Variants in CBLN2 observed in about 807,000 individuals in gnomAD.
The protein encoded by CBLN2 is cerebellin-2.
In CBLN2, 7 loss-of-function variants were observed where a neutral mutation model predicts 15.0. That is an observed-to-expected ratio of 0.47 (90% CI 0.27 to 0.88). The LOEUF is 0.88. CBLN2 is among the 40% of genes least tolerant of loss of function. The pLI, the probability that CBLN2 is intolerant of heterozygous loss-of-function variation, is 0.14. For synonymous variants in CBLN2, 149 were observed against 135.2 expected (o/e 1.10, Z -0.71); for missense variants, 242 against 304.5 (o/e 0.79, Z 1.53).
At chr18:72,583,677 C>T (rs1007380152) in intron 1 of CBLN2, among the ~76,000 whole-genome samples, 4 of 152,262 alleles carry the variant, frequency 2.6e-5, no homozygotes, top group Non-Finnish European at 5.9e-5. Flanking sequence ...CTATTAATCT[C>T]TCAGAAACTC....
chr18:72,553,224 T>C lies in CBLN2; in HGVS notation c.16-14452A>G, dbSNP rs528429670. ...ATTTACGTGTTCACAAACAAAACAC[T>C]GAGCTGGATCTCAGGGCTCAGCAAC... On this transcript the variant is annotated intron_variant, in intron 1 of 2. Coordinates refer to the CBLN2 transcript ENST00000581073. Among the ~76,000 whole-genome samples the C allele has an allele frequency of 2.6e-5, 4 of 152,216 alleles. No individual in the cohort carries two copies. In the South Asian group the frequency reaches 6.2e-4, roughly 24 times the overall value.
chr18:72,602,355 C>T (rs1385970485), intron 1 of CBLN2, among the ~76,000 whole-genome samples: 2 of 152,162 alleles, frequency 1.3e-5, no homozygotes, highest in East Asian at 3.9e-4. Flanking sequence ...TCAGCATCCC[C>T]GTGCTGTCAC....
intron 1 of CBLN2, among the ~76,000 whole-genome samples, chr18:72,588,578 C>T (rs2069458108): frequency 6.6e-6 from 1 of 152,202 alleles, no homozygotes; most frequent in African/African-American, 2.4e-5. Flanking sequence ...AAGAAACTCC[C>T]AGACTAGCGG....
intron 1 of CBLN2, among the ~76,000 whole-genome samples, chr18:72,619,423 G>T (rs544545112): frequency 1.3e-5 from 2 of 152,304 alleles, no homozygotes; most frequent in Admixed American, 1.3e-4. Flanking sequence ...TTGTAGAACA[G>T]GTTGTTTTAG....
intron 1 of CBLN2, among the ~76,000 whole-genome samples, chr18:72,556,806 G>A (rs899420635): frequency 6.6e-6 from 1 of 152,042 alleles, no homozygotes; most frequent in Non-Finnish European, 1.5e-5. Context: ...ATGCCCAGGA[G>A]TGGAAAGTAG....
intron 1 of CBLN2, among the ~76,000 whole-genome samples, chr18:72,583,570 C>T (rs2144921205): frequency 1.3e-5 from 2 of 152,248 alleles, no homozygotes; most frequent in Non-Finnish European, 2.9e-5. Flanking sequence ...ACATTAATTT[C>T]ATAGATTATC....
intron 1 of CBLN2, among the ~76,000 whole-genome samples, chr18:72,630,564 C>CAGAGAGAGAGAGAGAGAG (rs368831135): frequency 0.093 from 12,473 of 134,572 alleles, 1,184 homozygotes; most frequent in African/African-American, 0.22. Context: ...CACACACATG[C>CAGAGAGAGAGAGAGAGAG]AGAGAGAGAG....
intron 4 of CBLN2, 110 bp downstream of exon 4, chr18:72,538,543 G>T (rs1193965330): frequency 2.7e-6 from 4 of 1,503,796 alleles, no homozygotes; most frequent in South Asian, 1.2e-5. Flanking sequence ...TCACCCCCTG[G>T]ACAGACCAGT....
chr18:72,590,288 A>C (rs564057339), intron 1 of CBLN2, among the ~76,000 whole-genome samples: 24 of 151,916 alleles, frequency 1.6e-4, no homozygotes, highest in East Asian at 5.8e-4. Context: ...ACAAAAACAA[A>C]AAAAAAAAAT....
intron 1 of CBLN2, among the ~76,000 whole-genome samples, chr18:72,572,191 T>C (rs143901697): frequency 0.026 from 4,004 of 152,260 alleles, 87 homozygotes; most frequent in Admixed American, 0.055. Flanking sequence ...TGTTGTATCA[T>C]GCATGTGGCT....
chr18:72,596,515 A>AT (rs2069515107), intron 1 of CBLN2, among the ~76,000 whole-genome samples: 1 of 152,096 alleles, frequency 6.6e-6, no homozygotes, highest in East Asian at 1.9e-4. Context: ...TTACCAGTGA[A>AT]TTTTTTACCT....
intron 1 of CBLN2, among the ~76,000 whole-genome samples, chr18:72,549,840 A>C (rs1481081239): frequency 6.6e-6 from 1 of 152,116 alleles, no homozygotes; most frequent in Non-Finnish European, 1.5e-5. Context: ...TCATGGATGG[A>C]GTTTCAGTTC....
intron 1 of CBLN2, among the ~76,000 whole-genome samples, chr18:72,549,908 GA>G (rs59009177): frequency 6.6e-6 from 1 of 151,978 alleles, no homozygotes; most frequent in East Asian, 1.9e-4. Flanking sequence ...GTGTTTTTGT[GA>G]AAAAAATGAA....
chr18:72,601,614 C>T (rs2069548731), intron 1 of CBLN2, among the ~76,000 whole-genome samples: 2 of 152,124 alleles, frequency 1.3e-5, no homozygotes, highest in Non-Finnish European at 2.9e-5. Flanking sequence ...TCCACCAGGG[C>T]GTGGGCCGTG....
intron 1 of CBLN2, among the ~76,000 whole-genome samples, chr18:72,603,842 C>T (rs74523279): frequency 6.6e-6 from 1 of 152,234 alleles, no homozygotes; most frequent in Admixed American, 6.5e-5. Flanking sequence ...ACATGGAATA[C>T]ACATGTAAAG....
At chr18:72,632,624 T>C (rs892809715) in intron 1 of CBLN2, among the ~76,000 whole-genome samples, 2 of 152,154 alleles carry the variant, frequency 1.3e-5, no homozygotes, top group African/African-American at 2.4e-5. Flanking sequence ...CTGCTTTAGA[T>C]TTTTTACAGT....
At chr18:72,592,583 A>G (rs117802313) in intron 1 of CBLN2, among the ~76,000 whole-genome samples, 1,829 of 152,062 alleles carry the variant, frequency 0.012, 18 homozygotes, top group Non-Finnish European at 0.018. Context: ...AATGTCCTGG[A>G]GATTTTCTCC....
chr18:72,578,826 T>A (rs680619), intron 1 of CBLN2, among the ~76,000 whole-genome samples: 54,756 of 152,064 alleles, frequency 0.36, 12,548 homozygotes, highest in African/African-American at 0.63. Flanking sequence ...TCTAAACTAT[T>A]TTCAGTTGCA....
chr18:72,547,110 TCACACACACACACACACA>T (rs36204454), upstream of CBLN2, among the ~76,000 whole-genome samples: 4 of 148,700 alleles, frequency 2.7e-5, no homozygotes, highest in East Asian at 2.0e-4. Context: ...AAAGAAAGTG[TCACACACACACACACACA>T]CACACACACA....
Sources: allele counts gnomAD v4.1 joint callset (sites outside exome capture counted in the v4.1 genomes callset), GRCh38; gene constraint gnomAD v4.1.1; transcripts MANE v1.5; gene names NCBI Gene and HGNC (gene_info 2026-07-23, HGNC 2026-07-21).